Variants in SLC16A7 observed in about 807,000 individuals in gnomAD.
SLC16A7 encodes solute carrier family 16 member 7, also known as monocarboxylate transporter 2.
A neutral mutation model predicts 34.9 loss-of-function variants in SLC16A7; 33 were observed. The ratio of observed to expected loss-of-function variants is 0.94; its 90% CI spans 0.72 to 1.26. The LOEUF (loss-of-function observed/expected upper bound fraction) is 1.26. Among genes scored for constraint, SLC16A7 ranks in the 50% most tolerant of loss-of-function variants. SLC16A7 has a pLI of 0.00. For missense variants in SLC16A7, 573 were observed against 578.1 expected (o/e 0.99, Z 0.09); for synonymous variants, 201 against 206.6 (o/e 0.97, Z 0.23).
chr12:59,602,140 G>A (rs181064684), intron 1 of SLC16A7, among the ~76,000 whole-genome samples: 2 of 152,250 alleles, frequency 1.3e-5, no homozygotes, highest in Admixed American at 1.3e-4. Flanking sequence ...TACTTTCAGA[G>A]TACTTTCAAA....
At chr12:59,725,345 G>C (rs1057370843) in intron 3 of SLC16A7, among the ~76,000 whole-genome samples, 2 of 152,064 alleles carry the variant, frequency 1.3e-5, no homozygotes, top group African/African-American at 4.8e-5. Flanking sequence ...AAGAAAGTTA[G>C]GAGTTTTCTG....
chr12:59,733,704 C>T (rs559625586), intron 3 of SLC16A7: 12 of 456,012 alleles, frequency 2.6e-5, no homozygotes, highest in South Asian at 1.7e-4. Flanking sequence ...CTGTTTCAGT[C>T]CCGCCATTCA....
chr12:59,624,594 C>T (rs1879839394), intron 1 of SLC16A7, among the ~76,000 whole-genome samples: 1 of 151,710 alleles, frequency 6.6e-6, no homozygotes, highest in South Asian at 2.1e-4. Context: ...CAAACATTGT[C>T]AACATGTTTT....
chr12:59,640,423 T>C (rs545548014), intron 1 of SLC16A7, among the ~76,000 whole-genome samples: 2 of 145,876 alleles, frequency 1.4e-5, no homozygotes, highest in African/African-American at 2.4e-5. Flanking sequence ...ACTTGAACTT[T>C]ATGCCCCCCC....
At chr12:59,728,180 T>TA (rs970328171) in intron 3 of SLC16A7, among the ~76,000 whole-genome samples, 3 of 152,096 alleles carry the variant, frequency 2.0e-5, no homozygotes, top group Non-Finnish European at 4.4e-5. Context: ...CCTGAATGTT[T>TA]AAAAAAATCA....
intron 2 of SLC16A7, among the ~76,000 whole-genome samples, chr12:59,680,600 A>G (rs1870669653): frequency 6.6e-6 from 1 of 152,070 alleles, no homozygotes; most frequent in Non-Finnish European, 1.5e-5. Context: ...CTATTATAAT[A>G]CCGTATTTAT....
At chr12:59,732,200 C>T (rs1877033080) in intron 3 of SLC16A7, among the ~76,000 whole-genome samples, 3 of 151,898 alleles carry the variant, frequency 2.0e-5, no homozygotes, top group Admixed American at 2.0e-4. Context: ...GGCAGATCAC[C>T]TGAGGTCAGA....
rs752808363 is a variant in SLC16A7, at chr12:59,775,082, GC to G, written c.792del (p.Ile265LeufsTer36). 1 of 1,613,560 alleles carries G rather than the reference GC, an allele frequency of 6.2e-7. No individual in the cohort carries two copies. The highest frequency in any genetic ancestry group is 8.5e-7 in the Non-Finnish European group (1 of 1,179,904). ...TGTCATTATGTTCCTAGGTTTTTTT[GC>G]CCCCATTATATTCTTGGCTCCATAT... ...GNVIMFLGFF[A>X]PIIFLAPYAK... On this transcript the variant is annotated frameshift_variant, in exon 5 of 6. Coordinates refer to ENST00000547379, the MANE Select transcript of SLC16A7 (RefSeq NM_001270623.2). LOFTEE classifies it high-confidence loss of function.
chr12:59,610,615 A>G (rs1253291606), intron 1 of SLC16A7, among the ~76,000 whole-genome samples: 3 of 152,212 alleles, frequency 2.0e-5, no homozygotes, highest in African/African-American at 7.2e-5. Flanking sequence ...ATAACTTGAA[A>G]TTCAATGTAA....
chr12:59,693,423 A>G (rs1241611131), intron 2 of SLC16A7, among the ~76,000 whole-genome samples: 2 of 151,950 alleles, frequency 1.3e-5, no homozygotes, highest in Non-Finnish European at 2.9e-5. Context: ...GCCATGGATC[A>G]TCACTAATAG....
rs1190555502 is a variant in SLC16A7 at position 59,771,265 on chromosome 12, G to A, written c.264G>A (p.Val88=). The part of the protein sequence containing the change: ...VLVNKYGSRP[V]VIAGGLLCCL... ...TGAATAAATACGGCAGCCGGCCGGT[G>A]GTGATAGCAGGAGGCTTATTATGCT... Residue 88 remains valine (V), a synonymous_variant, in exon 4 of 6, where the codon GTG becomes GTA. Coordinates refer to ENST00000547379, the MANE Select transcript of SLC16A7 (RefSeq NM_001270623.2). The A allele has an allele frequency of 4.3e-6, 7 of 1,613,276 alleles. No individual in the cohort carries two copies. The highest frequency in any genetic ancestry group is 5.9e-6 in the Non-Finnish European group (7 of 1,179,594).
At chr12:59,642,752 G>A (rs1460509487) in intron 1 of SLC16A7, among the ~76,000 whole-genome samples, 1 of 152,052 alleles carries the variant, frequency 6.6e-6, no homozygotes, top group Admixed American at 6.6e-5. Context: ...ATGCAATCTA[G>A]ACTAGAGAAT....
At chr12:59,758,249 T>C (rs191133268) in intron 3 of SLC16A7, among the ~76,000 whole-genome samples, 1 of 152,232 alleles carries the variant, frequency 6.6e-6, no homozygotes, top group Admixed American at 6.5e-5. Flanking sequence ...TTAAGTGTTC[T>C]TACCACAGTA....
At chr12:59,656,691 C>T (rs745370362) in intron 2 of SLC16A7, among the ~76,000 whole-genome samples, 3 of 151,998 alleles carry the variant, frequency 2.0e-5, no homozygotes, top group African/African-American at 7.2e-5. Flanking sequence ...AAATTACAGA[C>T]AGCCTCAGAG....
intron 1 of SLC16A7, among the ~76,000 whole-genome samples, chr12:59,610,284 G>A (rs1435093185): frequency 6.6e-6 from 1 of 151,972 alleles, no homozygotes; most frequent in African/African-American, 2.4e-5. Context: ...AAAACAAAAG[G>A]CAAACTTAAA....
At chr12:59,748,964 G>A (rs981277565) in intron 3 of SLC16A7, among the ~76,000 whole-genome samples, 1 of 152,098 alleles carries the variant, frequency 6.6e-6, no homozygotes, top group African/African-American at 2.4e-5. Context: ...AAAATGTCAC[G>A]ATAACAGGAG....
At chr12:59,614,056 T>C (rs1299237583) in intron 1 of SLC16A7, among the ~76,000 whole-genome samples, 1 of 138,432 alleles carries the variant, frequency 7.2e-6, no homozygotes, top group Non-Finnish European at 1.5e-5. Context: ...ATGAGAGCCT[T>C]TTTTTTTTTT....
chr12:59,678,692 C>T (rs554968378), intron 2 of SLC16A7, among the ~76,000 whole-genome samples: 1 of 152,194 alleles, frequency 6.6e-6, no homozygotes, highest in African/African-American at 2.4e-5. Flanking sequence ...CCATTCTGGT[C>T]CTTGGGGCTG....
rs546024761 is a variant in SLC16A7 at position 59,695,098 on chromosome 12, TTC to T, written c.-30-9672_-30-9671del. 1.4e-3 allele frequency among the ~76,000 whole-genome samples: 210 copies of T among 152,040 alleles called. 1 individual carries two copies. Among genetic ancestry groups the T allele is most frequent in the Middle Eastern group, 6.8e-3 (2 of 294 alleles). On this transcript the variant is annotated intron_variant, in intron 2 of 5. Transcript: ENST00000547379. ...CTGTATAAATTATATTAATTTTTTT[TTC>T]TATTTTCTTGGAGGGCTGCCACATG...
Sources: gnomAD v4.1 joint callset for allele counts (sites outside exome capture counted in the v4.1 genomes callset) on GRCh38, gnomAD v4.1.1 for gene constraint, MANE v1.5 for transcripts, NCBI Gene and HGNC (gene_info 2026-07-23, HGNC 2026-07-21) for gene names.